The following KANK1 variants were observed in gnomAD, a reference collection of about 807,000 sequenced individuals.
The protein encoded by KANK1 is KN motif and ankyrin repeat domains 1.
KANK1 carries 109 observed loss-of-function variants against 106.2 expected under a neutral mutation model. That is an observed-to-expected ratio of 1.03 (90% CI 0.88 to 1.20). The LOEUF is 1.20. Among genes scored for constraint, KANK1 ranks in the 50% most tolerant of loss-of-function variants. The pLI is 0.00. For synonymous variants in KANK1, 873 were observed against 652.2 expected, an observed-to-expected ratio of 1.34 and a Z score of -5.16; for missense variants, 2,399 against 1,710.7, an observed-to-expected ratio of 1.40 and a Z score of -7.10.
At chr9:715,481 CT>C (rs1472093203) in intron 3 of KANK1, among the ~76,000 whole-genome samples, 1 of 152,134 alleles carries the variant, frequency 6.6e-6, no homozygotes, top group Non-Finnish European at 1.5e-5. Flanking sequence ...AGCTGTAACC[CT>C]GAAGTAATTT....
intron 3 of KANK1, among the ~76,000 whole-genome samples, chr9:475,289 C>A (rs142165665): frequency 6.6e-6 from 1 of 152,074 alleles, no homozygotes; most frequent in African/African-American, 2.4e-5. Context: ...GCATGCTCCC[C>A]TCCCAAATGC....
At position 577,213 on chromosome 9, in the gene KANK1, T is replaced by G. The variant is rs139124441; in HGVS notation, c.-84+72459T>G. On this transcript the variant is annotated intron_variant, in intron 1 of 11. Coordinates refer to ENST00000382297, the MANE Select transcript of KANK1 (RefSeq NM_015158.5). Reference sequence around the variant, plus strand: ...TGCTGGCTCTGGTGGCCAGATTTTATTCCCTTATTTGGCCCCGCCCACGTC... The same window carrying G: ...TGCTGGCTCTGGTGGCCAGATTTTAGTCCCTTATTTGGCCCCGCCCACGTC... Among the ~76,000 whole-genome samples the G allele has an allele frequency of 0.014, 2,204 of 152,336 alleles. 162 individuals are homozygous for G. The East Asian group carries it at 0.23, about 16-fold the overall frequency.
At chr9:684,226 A>G (rs1818112439) in intron 2 of KANK1, 1 of 985,296 alleles carries the variant, frequency 1.0e-6, no homozygotes, top group Non-Finnish European at 1.2e-6. Context: ...GATTTCAGAC[A>G]GGCGATTAGC....
intron 1 of KANK1, among the ~76,000 whole-genome samples, chr9:562,382 G>C (rs1816729121): frequency 6.6e-6 from 1 of 152,180 alleles, no homozygotes; most frequent in African/African-American, 2.4e-5. Flanking sequence ...CACCCTGCCA[G>C]AGCTGGGTAA....
intron 1 of KANK1, among the ~76,000 whole-genome samples, chr9:591,155 G>A (rs571350831): frequency 3.3e-5 from 5 of 151,810 alleles, no homozygotes; most frequent in Admixed American, 2.6e-4. Context: ...TTGCAGCAAC[G>A]AGATTTTAAA....
chr9:517,908 T>C (rs1370706602), intron 1 of KANK1, among the ~76,000 whole-genome samples: 1 of 151,364 alleles, frequency 6.6e-6, no homozygotes, highest in Non-Finnish European at 1.5e-5. Flanking sequence ...TCGCTAATTT[T>C]TGTATTTTTA....
chr9:693,723 G>A (rs1820540587), intron 2 of KANK1: 2 of 985,322 alleles, frequency 2.0e-6, no homozygotes, highest in Middle Eastern at 5.2e-4. Flanking sequence ...TAATGCTGAG[G>A]GAAGTTTGCC....
At chr9:694,222 C>T (rs1227218781) in intron 2 of KANK1, among the ~76,000 whole-genome samples, 1 of 152,120 alleles carries the variant, frequency 6.6e-6, no homozygotes, top group African/African-American at 2.4e-5. Context: ...TTTCCACTAC[C>T]ACCCCACCTC....
chr9:589,383 T>G (rs1286569049), intron 1 of KANK1, among the ~76,000 whole-genome samples: 3 of 152,000 alleles, frequency 2.0e-5, no homozygotes, highest in African/African-American at 7.3e-5. Flanking sequence ...GCTAAGGAGG[T>G]GCAGGTGTAG....
At chr9:555,359 C>T (rs976281360) in intron 1 of KANK1, among the ~76,000 whole-genome samples, 4 of 151,338 alleles carry the variant, frequency 2.6e-5, no homozygotes, top group Non-Finnish European at 4.4e-5. Context: ...CATGATGGCA[C>T]GTGACTTAGA....
In KANK1 at chr9:552,519, A is replaced by G. The variant is rs146387285; in HGVS notation, c.-84+47765A>G. ...TTTTCACATGGCTTTTTGACCTTTT[A>G]AATATAATATGTTTTAATATGACGT... On this transcript the variant is annotated intron_variant, in intron 1 of 11. Coordinates refer to ENST00000382297, the MANE Select transcript of KANK1 (RefSeq NM_015158.5). 1.1e-3 allele frequency among the ~76,000 whole-genome samples: 172 copies of G among 152,302 alleles called. 5 individuals carry two copies. In the East Asian group the frequency reaches 0.03, roughly 26 times the overall value.
intron 1 of KANK1, among the ~76,000 whole-genome samples, chr9:506,679 G>C (rs971438200): frequency 1.3e-5 from 2 of 152,238 alleles, no homozygotes; most frequent in Non-Finnish European, 2.9e-5. Flanking sequence ...CACTGGAATT[G>C]ATACATTCAA....
chr9:742,167 G>C, intron 9 of KANK1, 38 bp from the exon 10 acceptor site: 1 of 1,587,936 alleles, frequency 6.3e-7, no homozygotes, highest in Non-Finnish European at 8.6e-7. Flanking sequence ...TGCCAGCTCA[G>C]TACGTACTTC....
chr9:732,829 G>C (rs1398705927), intron 6 of KANK1: 1 of 444,672 alleles, frequency 2.2e-6, no homozygotes, highest in Non-Finnish European at 3.9e-6. Flanking sequence ...AATCACCCTT[G>C]TTTTCTGAAA....
At chr9:517,738 CTTTTTT>C (rs34749352) in intron 1 of KANK1, among the ~76,000 whole-genome samples, 1 of 111,070 alleles carries the variant, frequency 9.0e-6, no homozygotes. Flanking sequence ...CTTGAGGATT[CTTTTTT>C]TTTTTTTTTT....
Position 712,675 on chromosome 9 carries a change from G to A in KANK1, c.1909G>A (p.Val637Met), listed in dbSNP as rs147261175. 1.9e-5 allele frequency: 30 copies of A among 1,614,018 alleles called. No homozygotes were observed. In the African/African-American group the frequency reaches 1.9e-4, roughly 10 times the overall value. Residue 637 changes from valine (V) to methionine (M), a missense_variant, in exon 3 of 12, where the codon GTG becomes ATG. Val to Met is a conservative substitution (Grantham distance 21). Coordinates refer to ENST00000382297, the MANE Select transcript of KANK1 (RefSeq NM_015158.5). ...SIGCGDCSVD[V>M]TVCSPKECAS... ...CGGTTGTGGAGATTGTTCTGTTGAC[G>A]TGACCGTCTGCTCTCCAAAGGAGTG... is the stretch of plus-strand genomic sequence containing the variant.
rs115518103 is a variant in KANK1, at chr9:582,167, C to G, written c.-84+77413C>G. Among the ~76,000 whole-genome samples, 1,030 of 152,234 alleles carry G rather than the reference C, an allele frequency of 6.8e-3. 16 individuals are homozygous for G. Among genetic ancestry groups the G allele is most frequent in the African/African-American group, 0.024 (977 of 41,546 alleles). On this transcript the variant is annotated intron_variant, in intron 1 of 11. Coordinates refer to ENST00000382297, the MANE Select transcript of KANK1 (RefSeq NM_015158.5). ...GCAGCAGTCTCCTGTGGCCAGTTCC[C>G]CACGTAGAGGTGGCAACTGCCCTTC...
At chr9:631,515 C>T (rs1253955132) in intron 1 of KANK1, among the ~76,000 whole-genome samples, 1 of 145,756 alleles carries the variant, frequency 6.9e-6, no homozygotes, top group Non-Finnish European at 1.5e-5. Context: ...TATACCTGTG[C>T]ACTGAAACAC....
intron 1 of KANK1, among the ~76,000 whole-genome samples, chr9:610,143 A>G (rs1244387762): frequency 6.6e-6 from 1 of 152,222 alleles, no homozygotes; most frequent in Non-Finnish European, 1.5e-5. Flanking sequence ...TTCAGGCCAT[A>G]ATAAGTTACT....
Sources: gnomAD v4.1 joint callset for allele counts (sites outside exome capture counted in the v4.1 genomes callset) on GRCh38, gnomAD v4.1.1 for gene constraint, MANE v1.5 for transcripts, NCBI Gene and HGNC (gene_info 2026-07-23, HGNC 2026-07-21) for gene names.